FANCB: variants seen among roughly 807,000 people sequenced by gnomAD.
The protein encoded by FANCB is Fanconi anemia group B protein.
Under a neutral mutation model 38.9 loss-of-function variants are expected in FANCB, and 5 were observed. The observed-to-expected ratio is 0.13, with a 90% CI of 0.07 to 0.27. The LOEUF is 0.27. Among genes scored for constraint, FANCB ranks in the 10% least tolerant of loss-of-function variants. FANCB has a pLI of 1.00. For synonymous variants in FANCB, 236 were observed against 215.4 expected (o/e 1.10, Z -0.84); for missense variants, 573 against 602.7 (o/e 0.95, Z 0.52).
downstream of FANCB, among the ~76,000 whole-genome samples, chrX:14,833,688 A>G (rs186482667): frequency 9.4e-6 from 1 of 106,489 alleles, no homozygotes; most frequent in African/African-American, 3.4e-5. Context: ...GGGGGTTCAC[A>G]CCTGCAATCT....
downstream of FANCB, among the ~76,000 whole-genome samples, chrX:14,831,533 T>C (rs897212539): frequency 5.4e-5 from 6 of 111,310 alleles, no homozygotes; most frequent in Non-Finnish European, 9.4e-5. Flanking sequence ...GAGTTTGAGG[T>C]AGGAGGCAAA....
intron 1 of FANCB, among the ~76,000 whole-genome samples, chrX:14,872,580 G>A (rs1301522091): frequency 9.4e-6 from 1 of 106,315 alleles, no homozygotes; most frequent in African/African-American, 3.4e-5. Flanking sequence ...GCCCCTAGCA[G>A]TGGTGACTAA....
chrX:14,782,806 G>A, the FANCB span, among the ~76,000 whole-genome samples: 1 of 111,649 alleles, frequency 9.0e-6, no homozygotes, highest in Non-Finnish European at 1.9e-5. Flanking sequence ...ACCACCTTGG[G>A]CTCTTGATTA....
At chrX:14,776,449 C>T in the FANCB span, among the ~76,000 whole-genome samples, 1 of 111,481 alleles carries the variant, frequency 9.0e-6, no homozygotes. Flanking sequence ...TGTGCCCGAA[C>T]CTCTCTGGGC....
chrX:14,753,925 A>G, the FANCB span, among the ~76,000 whole-genome samples: 1 of 112,522 alleles, frequency 8.9e-6, no homozygotes, highest in Non-Finnish European at 1.9e-5. Flanking sequence ...AGAATATGCT[A>G]TTAGAAAGAA....
At chrX:14,804,663 TA>T in the FANCB span, among the ~76,000 whole-genome samples, 14 of 111,530 alleles carry the variant, frequency 1.3e-4, no homozygotes, top group Admixed American at 4.7e-4. Context: ...ATAAAAAAGT[TA>T]AAAAAAATGA....
At chrX:14,702,200 T>G in the FANCB span, among the ~76,000 whole-genome samples, 3 of 111,635 alleles carry the variant, frequency 2.7e-5, no homozygotes, top group Non-Finnish European at 5.6e-5. Context: ...GCATGGGGCC[T>G]AAAAGGAAGG....
the FANCB span, among the ~76,000 whole-genome samples, chrX:14,753,313 G>A: frequency 9.0e-6 from 1 of 110,989 alleles, no homozygotes; most frequent in African/African-American, 3.3e-5. Flanking sequence ...CCTCCAATAT[G>A]GAAAAGTTAT....
At chrX:14,767,568 T>C in the FANCB span, among the ~76,000 whole-genome samples, 5 of 111,651 alleles carry the variant, frequency 4.5e-5, no homozygotes, top group African/African-American at 1.6e-4. Context: ...AAGTTCTTTG[T>C]AGACTCTGGA....
chrX:14,832,906 T>G (rs2092330892), downstream of FANCB, among the ~76,000 whole-genome samples: 1 of 112,146 alleles, frequency 8.9e-6, no homozygotes, highest in Non-Finnish European at 1.9e-5. Flanking sequence ...GTCTTTCATG[T>G]GTAAATTTGT....
At chrX:14,834,589 C>A, downstream of FANCB, 1 of 538,732 alleles carries the variant, frequency 1.9e-6, no homozygotes, top group Admixed American at 2.4e-5. Context: ...CCACCTTTTT[C>A]TATGCTTGCT....
chrX:14,696,497 G>A, the FANCB span, among the ~76,000 whole-genome samples: 1 of 111,869 alleles, frequency 8.9e-6, no homozygotes, highest in African/African-American at 3.3e-5. Context: ...GCCGAGGATG[G>A]GGTCTATTAT....
At chrX:14,867,782 A>G (rs1489194873) in intron 2 of FANCB, among the ~76,000 whole-genome samples, 1 of 111,076 alleles carries the variant, frequency 9.0e-6, no homozygotes, top group African/African-American at 3.3e-5. Flanking sequence ...AAAAAAGTAA[A>G]GAGACAACCT....
chrX:14,776,157 C>G, the FANCB span, among the ~76,000 whole-genome samples: 1 of 111,273 alleles, frequency 9.0e-6, no homozygotes, highest in African/African-American at 3.3e-5. Flanking sequence ...CCTGCAATGG[C>G]AGGAATGGTG....
chrX:14,742,485 G>C, the FANCB span, among the ~76,000 whole-genome samples: 15 of 111,847 alleles, frequency 1.3e-4, no homozygotes, highest in East Asian at 2.0e-3. Context: ...AGAAGATAGT[G>C]TAAAATATAA....
At chrX:14,760,821 A>G in the FANCB span, among the ~76,000 whole-genome samples, 2 of 111,082 alleles carry the variant, frequency 1.8e-5, no homozygotes, top group African/African-American at 6.6e-5. Flanking sequence ...ATACAAAAAA[A>G]TTAGCTGGGT....
the FANCB span, among the ~76,000 whole-genome samples, chrX:14,710,918 C>T: frequency 8.9e-6 from 1 of 112,248 alleles, no homozygotes; most frequent in Non-Finnish European, 1.9e-5. Flanking sequence ...GAATACTTGA[C>T]TATTTCTAGC....
the FANCB span, among the ~76,000 whole-genome samples, chrX:14,695,130 A>T: frequency 1.8e-5 from 2 of 108,969 alleles, no homozygotes; most frequent in East Asian, 2.8e-4. Context: ...CACAAAACTA[A>T]GTGAGATTAC....
intron 1 of FANCB, among the ~76,000 whole-genome samples, chrX:14,870,335 C>T (rs1428414198): frequency 9.0e-6 from 1 of 111,024 alleles, no homozygotes; most frequent in Non-Finnish European, 1.9e-5. Flanking sequence ...CTCTGCTTAT[C>T]AGGGCCCCAG....
Sources: allele counts gnomAD v4.1 joint callset (sites outside exome capture counted in the v4.1 genomes callset), GRCh38; gene constraint gnomAD v4.1.1; transcripts MANE v1.5; gene names NCBI Gene and HGNC (gene_info 2026-07-23, HGNC 2026-07-21).